Variants in THAP10 observed in about 807,000 individuals in gnomAD.
The protein encoded by THAP10 is THAP domain containing 10, also known as THAP domain-containing protein 10.
In THAP10, 10 loss-of-function variants were observed where a neutral mutation model predicts 15.7. The observed-to-expected ratio is 0.64, with a 90% CI of 0.39 to 1.08. The LOEUF is 1.08. THAP10 is among the 50% of genes least tolerant of loss of function. The probability of loss-of-function intolerance (pLI) is 0.01; values close to 1 mark genes in which losing one functional copy is unlikely to be tolerated. For synonymous variants in THAP10, 127 were observed against 129.1 expected (o/e 0.98, Z 0.11); for missense variants, 310 against 330.9 (o/e 0.94, Z 0.49).
In THAP10 at chr15:70,881,481, T is replaced by G. The variant is rs2033262700; in HGVS notation, c.*973A>C. The stretch of plus-strand genomic sequence containing the variant: ...CTAATCATTCAGAACTAAGAAGACA[T>G]ATGAGGTGTAAAATTGATATTTATT... On this transcript the variant is annotated 3_prime_UTR_variant, in exon 3 of 3. Transcript: ENST00000249861. 1 of 152,158 alleles carries G rather than the reference T, an allele frequency of 6.6e-6. No homozygotes were observed. The highest frequency in any genetic ancestry group is 2.1e-4 in the South Asian group (1 of 4,834). 9.4% of individuals were successfully genotyped at this position (152,158 alleles called of 1,614,324 possible).
intron 1 of THAP10, among the ~76,000 whole-genome samples, chr15:70,885,505 C>CGA (rs2033382801): frequency 6.6e-6 from 1 of 152,136 alleles, no homozygotes; most frequent in African/African-American, 2.4e-5. Context: ...ACATTCTCTT[C>CGA]AGCGGGGTAA....
At position 70,882,234 on chromosome 15, in the gene THAP10, G is replaced by GAA; in HGVS notation, c.*218_*219dup. 1 of 409,258 alleles carries GAA rather than the reference G, an allele frequency of 2.4e-6. No homozygotes were observed. The allele number at this position is 409,258 out of a possible 1,614,324, so 25.4% of individuals were successfully genotyped here. On this transcript the variant is annotated 3_prime_UTR_variant, in exon 3 of 3. Coordinates refer to ENST00000249861, the MANE Select transcript of THAP10 (RefSeq NM_020147.4). ...CTGATTTCTACCAAAAGGATTAAAA[G>GAA]AAAAAAAAAGGTGAAAGTAGAGAAT... is the stretch of plus-strand genomic sequence containing the variant.
In THAP10 at chr15:70,882,434, G is replaced by C. The variant is rs767922286; in HGVS notation, c.*20C>G. On this transcript the variant is annotated 3_prime_UTR_variant, in exon 3 of 3. Coordinates refer to ENST00000249861, the MANE Select transcript of THAP10 (RefSeq NM_020147.4). ...AGATTTGAAAATCTATAGCACATCAGAGCATTTGATGTTGAGTTTTTAACA... is the reference window on the plus strand; with the variant it reads ...AGATTTGAAAATCTATAGCACATCACAGCATTTGATGTTGAGTTTTTAACA... 1 of 1,560,626 alleles carries C rather than the reference G, an allele frequency of 6.4e-7. No homozygotes were observed. Among genetic ancestry groups the C allele is most frequent in the Non-Finnish European group, 8.8e-7 (1 of 1,136,910 alleles).
chr15:70,885,746 T>A (rs1219227754), intron 1 of THAP10, among the ~76,000 whole-genome samples: 1 of 152,202 alleles, frequency 6.6e-6, no homozygotes, highest in Non-Finnish European at 1.5e-5. Flanking sequence ...ATTTGAAGAT[T>A]AATATGTAAA....
Position 70,892,407 on chromosome 15 carries a change from A to G in THAP10, c.-135T>C. The G allele has an allele frequency of 6.5e-7, 1 of 1,539,430 alleles. No individual in the cohort carries two copies. The highest frequency in any genetic ancestry group is 1.2e-5 in the South Asian group (1 of 83,166). On this transcript the variant is annotated 5_prime_UTR_variant, in exon 1 of 3. Coordinates refer to ENST00000249861, the MANE Select transcript of THAP10 (RefSeq NM_020147.4). ...CCGGGTCGGGATTGTTTCCTTCCCT[A>G]CCTCTGGTCACCGGAAGTGGCGATC...
intron 1 of THAP10, among the ~76,000 whole-genome samples, chr15:70,891,567 CTGTGTGTG>C (rs3220843): frequency 0.035 from 4,789 of 137,056 alleles, 144 homozygotes; most frequent in Admixed American, 0.1. Context: ...GGACAAGACT[CTGTGTGTG>C]TGTGTGTGTG....
At chr15:70,890,175 T>C (rs2033514925) in intron 1 of THAP10, among the ~76,000 whole-genome samples, 1 of 152,206 alleles carries the variant, frequency 6.6e-6, no homozygotes. Context: ...TTGATTAGGT[T>C]GTGTAATTAT....
intron 1 of THAP10, among the ~76,000 whole-genome samples, chr15:70,886,895 C>G (rs2033424029): frequency 6.6e-6 from 1 of 151,788 alleles, no homozygotes; most frequent in Admixed American, 6.6e-5. Flanking sequence ...GATAAACCAT[C>G]TGGTGAAGCT....
chr15:70,890,343 G>A (rs143268412), intron 1 of THAP10, among the ~76,000 whole-genome samples: 19 of 152,296 alleles, frequency 1.2e-4, no homozygotes, highest in African/African-American at 4.1e-4. Flanking sequence ...CAGCTATCTT[G>A]ACAGGTATAC....
In THAP10 at chr15:70,882,122, C is replaced by T. The variant is rs1482323804; in HGVS notation, c.*332G>A. 4 of 203,728 alleles carry T rather than the reference C, an allele frequency of 2.0e-5. No individual in the cohort carries two copies. The highest frequency in any genetic ancestry group is 3.0e-5 in the Non-Finnish European group (3 of 101,190). 12.6% of individuals were successfully genotyped at this position (203,728 alleles called of 1,614,324 possible). On this transcript the variant is annotated 3_prime_UTR_variant, in exon 3 of 3. Transcript: ENST00000249861. ...TAGCAAATGTCAAGTCCTGTAGGAG[C>T]GTTGCTTCTGAACTAAGCTTAAACA...
rs1263722773 is a variant in THAP10 at position 70,881,887 on chromosome 15, A to T, written c.*567T>A. On this transcript the variant is annotated 3_prime_UTR_variant, in exon 3 of 3. Transcript: ENST00000249861. ...ATTCCTTTGAAAAATTTCTGTAAGA[A>T]CCATAGATTCATCAGAAATGCTCAC... The T allele has an allele frequency of 1.3e-5, 2 of 152,196 alleles. No individual in the cohort carries two copies. Among genetic ancestry groups the T allele is most frequent in the Non-Finnish European group, 2.9e-5 (2 of 68,036 alleles). 9.4% of individuals were successfully genotyped at this position (152,196 alleles called of 1,614,324 possible).
intron 1 of THAP10, among the ~76,000 whole-genome samples, chr15:70,883,696 C>A (rs1008763773): frequency 6.6e-6 from 1 of 150,890 alleles, no homozygotes; most frequent in Non-Finnish European, 1.5e-5. Context: ...TCACCCAGAC[C>A]GGAGTGCAGA....
intron 1 of THAP10, among the ~76,000 whole-genome samples, chr15:70,889,223 A>G (rs138298449): frequency 6.6e-6 from 1 of 152,364 alleles, no homozygotes; most frequent in East Asian, 1.9e-4. Flanking sequence ...GTATATTCAT[A>G]CAATGGAATA....
intron 1 of THAP10, among the ~76,000 whole-genome samples, chr15:70,883,407 T>C (rs1024961298): frequency 1.3e-5 from 2 of 152,142 alleles, no homozygotes; most frequent in Non-Finnish European, 2.9e-5. Flanking sequence ...TTAGCCAGGC[T>C]GGTCTCGAAC....
intron 1 of THAP10, among the ~76,000 whole-genome samples, chr15:70,883,260 C>G (rs958004706): frequency 3.3e-5 from 5 of 150,978 alleles, no homozygotes; most frequent in African/African-American, 1.2e-4. Context: ...GGTGCCATCT[C>G]GGCTCACTGC....
At position 70,881,637 on chromosome 15, in the gene THAP10, C is replaced by T. The variant is rs906098432; in HGVS notation, c.*817G>A. 1 of 152,116 alleles carries T rather than the reference C, an allele frequency of 6.6e-6. No individual in the cohort carries two copies. Among genetic ancestry groups the T allele is most frequent in the Non-Finnish European group, 1.5e-5 (1 of 68,016 alleles). 9.4% of individuals were successfully genotyped at this position (152,116 alleles called of 1,614,324 possible). ...TGGCAGACGGGGCAGCTAATATTTC[C>T]ATGCTTATTTCTCAAATGTAGAATT... On this transcript the variant is annotated 3_prime_UTR_variant, in exon 3 of 3. Transcript: ENST00000249861.
intron 1 of THAP10, among the ~76,000 whole-genome samples, chr15:70,889,416 A>T (rs1304784762): frequency 6.6e-6 from 1 of 152,120 alleles, no homozygotes; most frequent in Non-Finnish European, 1.5e-5. Flanking sequence ...GGGGCTGGAT[A>T]TGGGGTGATA....
At chr15:70,891,805 C>T (rs2033583485) in intron 1 of THAP10, 39 bp downstream of exon 1, 1 of 1,491,966 alleles carries the variant, frequency 6.7e-7, no homozygotes, top group Admixed American at 2.2e-5. Context: ...CAGCCAGAGT[C>T]CAGGGGTCCT....
Position 70,892,246 on chromosome 15 carries a change from G to C in THAP10, c.27C>G (p.His9Gln), listed in dbSNP as rs1286803366. The change falls in exon 1 of 3, where the codon CAC (histidine) becomes CAG (glutamine). Residue 9 changes from histidine (H) to glutamine (Q), a missense_variant. Physicochemically the swap from His to Gln is conservative, Grantham distance 24. Coordinates refer to ENST00000249861, the MANE Select transcript of THAP10 (RefSeq NM_020147.4). Reference protein sequence around the residue: MPARCVAAHCGNTTKSGKS... With the variant: MPARCVAAQCGNTTKSGKS... ...TCCCAGACTTGGTGGTGTTGCCGCA[G>C]TGGGCGGCCACACAACGGGCCGGCA... The C allele has an allele frequency of 6.3e-7, 1 of 1,582,148 alleles. No homozygotes were observed. The highest frequency in any genetic ancestry group is 8.6e-7 in the Non-Finnish European group (1 of 1,163,358).
Sources: allele counts gnomAD v4.1 joint callset (sites outside exome capture counted in the v4.1 genomes callset), GRCh38; gene constraint gnomAD v4.1.1; transcripts MANE v1.5; gene names NCBI Gene and HGNC (gene_info 2026-07-23, HGNC 2026-07-21).